MED4: variants seen among roughly 807,000 people sequenced by gnomAD.
The protein encoded by MED4 is mediator of RNA polymerase II transcription subunit 4.
In MED4, 21 loss-of-function variants were observed where a neutral mutation model predicts 35.0. The ratio of observed to expected loss-of-function variants is 0.60; its 90% CI spans 0.43 to 0.86. The LOEUF (loss-of-function observed/expected upper bound fraction) is 0.86. Ranked by LOEUF, MED4 falls within the 40% of genes least tolerant of loss-of-function variation. The probability of loss-of-function intolerance (pLI) is 0.00; values close to 1 mark genes in which losing one functional copy is unlikely to be tolerated. For missense variants in MED4, 300 were observed against 319.4 expected, an observed-to-expected ratio of 0.94 and a Z score of 0.46; for synonymous variants, 138 against 114.0, an observed-to-expected ratio of 1.21 and a Z score of -1.34.
At chr13:48,083,461 A>G (rs1191260089) in intron 3 of MED4, 33 bp from the exon 4 acceptor site, 1 of 1,584,806 alleles carries the variant, frequency 6.3e-7, no homozygotes, top group Admixed American at 1.7e-5. Flanking sequence ...AACGTGGTTT[A>G]TTCTTCAACT....
At position 48,083,362 on chromosome 13, in the gene MED4, G is replaced by T; in HGVS notation, c.421+9C>A. 1 of 1,610,040 alleles carries T rather than the reference G, an allele frequency of 6.2e-7. No homozygotes were observed. The highest frequency in any genetic ancestry group is 1.1e-5 in the South Asian group (1 of 90,674). On this transcript the variant is annotated intron_variant, in intron 4 of 6. Transcript: ENST00000258648. Reference sequence around the variant, plus strand: ...TTTTCAGGTCATTCAGTCTTCCCATGATACTAACCTTTTCTTGCTTTTTCT... The same window carrying T: ...TTTTCAGGTCATTCAGTCTTCCCATTATACTAACCTTTTCTTGCTTTTTCT...
chr13:48,080,279 C>T (rs754479454), intron 5 of MED4, among the ~76,000 whole-genome samples: 3 of 151,692 alleles, frequency 2.0e-5, no homozygotes, highest in Non-Finnish European at 4.4e-5. Flanking sequence ...CACCTATAAT[C>T]CCAGCTACTC....
chr13:48,086,503 A>G (rs751629839), intron 2 of MED4, 51 bp from the exon 3 acceptor site: 21 of 1,521,240 alleles, frequency 1.4e-5, no homozygotes, highest in African/African-American at 4.2e-5. Flanking sequence ...GAAAGGCTGC[A>G]TTCCAATGAA....
At chr13:48,080,549 G>C (rs903548923) in intron 5 of MED4, among the ~76,000 whole-genome samples, 1 of 150,756 alleles carries the variant, frequency 6.6e-6, no homozygotes, top group Non-Finnish European at 1.5e-5. Context: ...TAAAAAAAAA[G>C]AGATGTCATT....
chr13:48,093,242 T>C (rs1481036059), intron 1 of MED4, among the ~76,000 whole-genome samples: 1 of 152,138 alleles, frequency 6.6e-6, no homozygotes, highest in Non-Finnish European at 1.5e-5. Flanking sequence ...TGTGGAACAA[T>C]GAGTTTTGAG....
intron 5 of MED4, 74 bp from the exon 6 acceptor site, chr13:48,080,049 C>T: frequency 1.3e-6 from 2 of 1,497,520 alleles, no homozygotes; most frequent in African/African-American, 1.4e-5. Flanking sequence ...TTGACATACT[C>T]ATTTTCGCTG....
intron 5 of MED4, among the ~76,000 whole-genome samples, chr13:48,080,396 C>CAAAAAAAAAAAAAAAAAAAAA (rs57198503): frequency 2.9e-5 from 2 of 68,816 alleles, no homozygotes; most frequent in East Asian, 4.1e-4. Context: ...GACCCTGTCT[C>CAAAAAAAAAAAAAAAAAAAAA]AAAAAAAAAA....
At chr13:48,093,186 T>C (rs1485450968) in intron 1 of MED4, among the ~76,000 whole-genome samples, 1 of 152,198 alleles carries the variant, frequency 6.6e-6, no homozygotes, top group Non-Finnish European at 1.5e-5. Flanking sequence ...GTAAACAGAA[T>C]TAACAGGCTG....
chr13:48,086,133 T>C (rs1017571593), intron 3 of MED4, 149 bp downstream of exon 3: 6 of 698,826 alleles, frequency 8.6e-6, no homozygotes, highest in Non-Finnish European at 1.4e-5. Context: ...AGCCTTTCAT[T>C]TAACCACTGG....
At chr13:48,091,247 A>C (rs1950887994) in intron 1 of MED4, among the ~76,000 whole-genome samples, 1 of 152,268 alleles carries the variant, frequency 6.6e-6, no homozygotes, top group African/African-American at 2.4e-5. Flanking sequence ...ATGCTCATTT[A>C]ATAAATATGA....
At chr13:48,093,300 CT>C (rs952327238) in intron 1 of MED4, among the ~76,000 whole-genome samples, 1 of 152,018 alleles carries the variant, frequency 6.6e-6, no homozygotes, top group Non-Finnish European at 1.5e-5. Flanking sequence ...TGTGTTTCAA[CT>C]TTTTAAGACT....
At chr13:48,079,480 C>T (rs898223434) in intron 6 of MED4, among the ~76,000 whole-genome samples, 5 of 152,192 alleles carry the variant, frequency 3.3e-5, no homozygotes, top group African/African-American at 7.2e-5. Context: ...CTGGCTCACA[C>T]CTGTAATTCC....
chr13:48,079,334 G>T (rs1044769886), intron 6 of MED4, among the ~76,000 whole-genome samples: 5 of 152,186 alleles, frequency 3.3e-5, no homozygotes, highest in Non-Finnish European at 7.3e-5. Context: ...GCCTGAGGAA[G>T]ACAGTGTAAT....
chr13:48,085,411 A>G (rs1017042596), intron 3 of MED4, among the ~76,000 whole-genome samples: 1 of 152,054 alleles, frequency 6.6e-6, no homozygotes, highest in African/African-American at 2.4e-5. Flanking sequence ...ACTGGTCTCA[A>G]TCACAGACTG....
chr13:48,089,154 A>G (rs1950872775), intron 2 of MED4, among the ~76,000 whole-genome samples: 1 of 150,950 alleles, frequency 6.6e-6, no homozygotes, highest in African/African-American at 2.4e-5. Flanking sequence ...GTAGTCTTCT[A>G]TTAACATATT....
intron 2 of MED4, among the ~76,000 whole-genome samples, chr13:48,088,246 T>C (rs1441636121): frequency 6.6e-6 from 1 of 152,198 alleles, no homozygotes; most frequent in Non-Finnish European, 1.5e-5. Context: ...AAAATATCTA[T>C]CAAAATTCAG....
chr13:48,080,204 C>CT (rs139439127), intron 5 of MED4, among the ~76,000 whole-genome samples: 6,773 of 151,732 alleles, frequency 0.045, 183 homozygotes, highest in Middle Eastern at 0.068. Context: ...CAAGACCAGC[C>CT]TGGCCAGCAT....
chr13:48,090,301 T>G lies in MED4; in HGVS notation c.192+51A>C, dbSNP rs370550319. 2.3e-5 allele frequency: 33 copies of G among 1,415,224 alleles called. No homozygotes were observed. The African/African-American group carries it at 4.1e-4, about 18-fold the overall frequency. 87.7% of individuals were successfully genotyped at this position (1,415,224 alleles called of 1,614,324 possible). A position where few individuals can be genotyped will look rare whatever the true frequency, so the allele number is the denominator to read the frequency against. On this transcript the variant is annotated intron_variant, in intron 2 of 6. Coordinates refer to ENST00000258648, the MANE Select transcript of MED4 (RefSeq NM_014166.4). The stretch of plus-strand genomic sequence containing the variant: ...ACTTGCAGAAATCAAGTTTTTTTCT[T>G]TTAATTAAAAAACAAAGAGAAATTA...
chr13:48,086,333 G>A lies in MED4; in HGVS notation c.312C>T (p.Asp104=). 1 of 1,613,642 alleles carries A rather than the reference G, an allele frequency of 6.2e-7. No homozygotes were observed. Among genetic ancestry groups the A allele is most frequent in the Non-Finnish European group, 8.5e-7 (1 of 1,179,868 alleles). The part of the protein sequence containing the change: ...QVLEKEVEKR[D]SDIQQLQKQL... ...GTTTTTGTAGCTGCTGAATATCACTGTCTCTCTTCTCTACTTCTTTTTCTA... is the reference window on the plus strand; with the variant it reads ...GTTTTTGTAGCTGCTGAATATCACTATCTCTCTTCTCTACTTCTTTTTCTA... The change falls in exon 3 of 7, where the codon GAC becomes GAT. Residue 104 remains aspartate, a synonymous_variant. Coordinates refer to ENST00000258648, the MANE Select transcript of MED4 (RefSeq NM_014166.4).
Sources: allele counts gnomAD v4.1 joint callset (sites outside exome capture counted in the v4.1 genomes callset), GRCh38; gene constraint gnomAD v4.1.1; transcripts MANE v1.5; gene names NCBI Gene and HGNC (gene_info 2026-07-23, HGNC 2026-07-21).